The following SLC10A7 variants were observed in gnomAD, a reference collection of about 807,000 sequenced individuals.
The protein encoded by SLC10A7 is solute carrier family 10 member 7.
In SLC10A7, 29 loss-of-function variants were observed where a neutral mutation model predicts 43.2. The observed-to-expected ratio is 0.67, with a 90% CI of 0.50 to 0.92. SLC10A7 has a LOEUF of 0.92. SLC10A7 is among the 40% of genes least tolerant of loss of function. The pLI is 0.00. For missense variants in SLC10A7, 295 were observed against 403.2 expected, an observed-to-expected ratio of 0.73 and a Z score of 2.30; for synonymous variants, 152 against 144.8, an observed-to-expected ratio of 1.05 and a Z score of -0.35.
chr4:146,366,995 TTTTG>T (rs1314708917), intron 5 of SLC10A7, among the ~76,000 whole-genome samples: 1 of 150,676 alleles, frequency 6.6e-6, no homozygotes, highest in Admixed American at 6.6e-5. Context: ...TAAGCAAGTT[TTTTG>T]TTTTTTTGTT....
intron 10 of SLC10A7, among the ~76,000 whole-genome samples, chr4:146,262,638 G>A (rs1484289926): frequency 6.6e-6 from 1 of 152,174 alleles, no homozygotes. Flanking sequence ...AACTGATCAA[G>A]TACTCTGTAG....
At chr4:146,310,355 G>A (rs774232175) in intron 6 of SLC10A7, among the ~76,000 whole-genome samples, 2 of 152,064 alleles carry the variant, frequency 1.3e-5, no homozygotes, top group Non-Finnish European at 2.9e-5. Context: ...GGGATTGCTG[G>A]GTTGAATGGT....
chr4:146,506,323 G>A (rs1208585642), intron 3 of SLC10A7, among the ~76,000 whole-genome samples: 2 of 152,082 alleles, frequency 1.3e-5, no homozygotes, highest in African/African-American at 4.8e-5. Context: ...AATCCTACAG[G>A]AAATAATTTT....
chr4:146,287,181 T>A (rs375796364), intron 9 of SLC10A7, among the ~76,000 whole-genome samples: 11 of 152,178 alleles, frequency 7.2e-5, no homozygotes, highest in East Asian at 1.9e-4. Flanking sequence ...GGACTGTGTC[T>A]GGAGTGGTGA....
At chr4:146,346,486 T>C (rs1734631908) in intron 5 of SLC10A7, among the ~76,000 whole-genome samples, 1 of 152,170 alleles carries the variant, frequency 6.6e-6, no homozygotes, top group South Asian at 2.1e-4. Context: ...TTCTGAGAAA[T>C]TCTATTTTTG....
At chr4:146,420,772 C>T (rs1285749238) in intron 5 of SLC10A7, among the ~76,000 whole-genome samples, 1 of 151,944 alleles carries the variant, frequency 6.6e-6, no homozygotes, top group Non-Finnish European at 1.5e-5. Flanking sequence ...TTCCTGTAAT[C>T]CCAGCACTTT....
At chr4:146,506,760 T>G in intron 3 of SLC10A7, among the ~76,000 whole-genome samples, 1 of 152,110 alleles carries the variant, frequency 6.6e-6, no homozygotes, top group East Asian at 1.9e-4. Context: ...TTGGTTTTTT[T>G]TTGTTTTTGT....
At chr4:146,368,907 T>A (rs752886299) in intron 5 of SLC10A7, among the ~76,000 whole-genome samples, 1 of 152,226 alleles carries the variant, frequency 6.6e-6, no homozygotes, top group Non-Finnish European at 1.5e-5. Context: ...GTTTAGGAAC[T>A]TTAAAGTTTT....
intron 5 of SLC10A7, among the ~76,000 whole-genome samples, chr4:146,424,218 A>G (rs891761699): frequency 6.6e-6 from 1 of 152,110 alleles, no homozygotes; most frequent in Non-Finnish European, 1.5e-5. Flanking sequence ...CATCTGTCTA[A>G]TTTTTTAATT....
intron 5 of SLC10A7, among the ~76,000 whole-genome samples, chr4:146,435,119 A>T (rs1730110976): frequency 6.6e-6 from 1 of 152,216 alleles, no homozygotes; most frequent in South Asian, 2.1e-4. Context: ...AGCAACATCC[A>T]GTAAATCTAG....
intron 5 of SLC10A7, among the ~76,000 whole-genome samples, chr4:146,343,269 T>C (rs898954813): frequency 1.3e-5 from 2 of 152,036 alleles, no homozygotes; most frequent in African/African-American, 4.8e-5. Flanking sequence ...ATTCAAATAC[T>C]GACAGCCACC....
intron 5 of SLC10A7, among the ~76,000 whole-genome samples, chr4:146,382,178 G>A (rs1000797767): frequency 2.8e-4 from 43 of 152,108 alleles, no homozygotes; most frequent in African/African-American, 1.0e-3. Context: ...TACATGCTGT[G>A]CAATTATAGC....
chr4:146,416,918 C>T (rs1001117669), intron 5 of SLC10A7, among the ~76,000 whole-genome samples: 6 of 152,120 alleles, frequency 3.9e-5, no homozygotes, highest in Admixed American at 3.9e-4. Context: ...TGCTCTCTCA[C>T]CTCCTTCAAG....
At chr4:146,378,037 T>C (rs1449584210) in intron 5 of SLC10A7, among the ~76,000 whole-genome samples, 1 of 152,224 alleles carries the variant, frequency 6.6e-6, no homozygotes, top group Non-Finnish European at 1.5e-5. Flanking sequence ...ATGCTGTCTC[T>C]ATTCTTAGAG....
In SLC10A7 at chr4:146,293,961, A is replaced by G. The variant is rs781345397; in HGVS notation, c.690T>C (p.Asp230=). 1.9e-6 allele frequency: 3 copies of G among 1,613,228 alleles called. No homozygotes were observed. The Admixed American group carries it at 5.0e-5, about 27-fold the overall frequency. ...ACAGTATGAGAACAAGGCTGAATTT[A>G]TCCAGGTCAATATTTGGGTTAGAGA... The part of the protein sequence containing the change: ...DTFSNPNIDL[D]KFSLVLILFI... The change falls in exon 8 of 12, where the codon GAT becomes GAC. Residue 230 remains aspartate, a synonymous_variant. Coordinates refer to ENST00000335472, the MANE Select transcript of SLC10A7 (RefSeq NM_001029998.6).
intron 5 of SLC10A7, among the ~76,000 whole-genome samples, chr4:146,378,195 A>T (rs1737346087): frequency 6.6e-6 from 1 of 152,224 alleles, no homozygotes; most frequent in African/African-American, 2.4e-5. Context: ...CTTTGCTTCT[A>T]AGTGTGCAGG....
chr4:146,327,445 C>T (rs901719548), intron 5 of SLC10A7, among the ~76,000 whole-genome samples: 5 of 152,124 alleles, frequency 3.3e-5, no homozygotes, highest in African/African-American at 9.7e-5. Context: ...CTGATAACTT[C>T]GAAGGGCTAC....
intron 6 of SLC10A7, among the ~76,000 whole-genome samples, chr4:146,307,221 A>T (rs1731642334): frequency 1.3e-5 from 2 of 151,446 alleles, no homozygotes; most frequent in African/African-American, 4.8e-5. Flanking sequence ...AAGAATATAT[A>T]TCTGGCCCAT....
chr4:146,452,672 T>C (rs1731694195), intron 4 of SLC10A7, among the ~76,000 whole-genome samples: 1 of 152,070 alleles, frequency 6.6e-6, no homozygotes, highest in South Asian at 2.1e-4. Context: ...CATTTCTATG[T>C]CATATTTAAG....
Sources: allele counts gnomAD v4.1 joint callset (sites outside exome capture counted in the v4.1 genomes callset), GRCh38; gene constraint gnomAD v4.1.1; transcripts MANE v1.5; gene names NCBI Gene and HGNC (gene_info 2026-07-23, HGNC 2026-07-21).